HCN2: variants seen among roughly 807,000 people sequenced by gnomAD.
The protein encoded by HCN2 is hyperpolarization activated cyclic nucleotide gated potassium and sodium channel 2.
Under a neutral mutation model 52.3 loss-of-function variants are expected in HCN2, and 20 were observed. The observed-to-expected ratio is 0.38, with a 90% CI of 0.27 to 0.56. The LOEUF (loss-of-function observed/expected upper bound fraction) is 0.56, where lower values mean the gene tolerates loss of function less well. Among genes scored for constraint, HCN2 ranks in the 20% least tolerant of loss-of-function variants. The probability of loss-of-function intolerance (pLI) is 0.71; values close to 1 mark genes in which losing one functional copy is unlikely to be tolerated. For missense variants in HCN2, 981 were observed against 1,207.7 expected, an observed-to-expected ratio of 0.81 and a Z score of 2.78; for synonymous variants, 694 against 537.0, an observed-to-expected ratio of 1.29 and a Z score of -4.04.
chr19:605,008 A>T, intron 2 of HCN2, 53 bp from the exon 3 acceptor site: 1 of 1,315,222 alleles, frequency 7.6e-7, no homozygotes, highest in Non-Finnish European at 9.9e-7. Context: ...GGGGCTCTGA[A>T]GGTGGGGGCC....
chr19:598,145 C>T (rs1983094890), intron 1 of HCN2, among the ~76,000 whole-genome samples: 1 of 152,170 alleles, frequency 6.6e-6, no homozygotes, highest in African/African-American at 2.4e-5. Flanking sequence ...GTGCTGGGGC[C>T]CTGGGGGTCT....
rs759250826 is a variant in HCN2 at position 613,982 on chromosome 19, C to T, written c.1956C>T (p.Phe652=). Residue 652 remains phenylalanine (F), a synonymous_variant, in exon 7 of 8, where the codon TTC becomes TTT. Coordinates refer to ENST00000251287, the MANE Select transcript of HCN2 (RefSeq NM_001194.4). ...LEEYPMMRRA[F]ETVAIDRLDR... ...AGTACCCCATGATGCGGCGCGCCTT[C>T]GAGACGGTGGCCATCGACCGCCTGG... 7 of 1,373,384 alleles carry T rather than the reference C, an allele frequency of 5.1e-6. No homozygotes were observed. The highest frequency in any genetic ancestry group is 4.8e-6 in the Non-Finnish European group (5 of 1,039,414). 85.1% of individuals were successfully genotyped at this position (1,373,384 alleles called of 1,614,324 possible).
At chr19:608,378 G>A (rs1293099048) in intron 4 of HCN2, among the ~76,000 whole-genome samples, 196 bp downstream of exon 4, 1 of 150,940 alleles carries the variant, frequency 6.6e-6, no homozygotes, top group Non-Finnish European at 1.5e-5. Flanking sequence ...CTGAGGGGAG[G>A]GGCGGGCCCG....
At position 616,986 on chromosome 19, in the gene HCN2, C is replaced by G. The variant is rs1983987384; in HGVS notation, c.*512C>G. ...GGAGCAGCACCCCGCCTCCCTCCAG[C>G]ACTGGCACCGAGAGGCAGGCCTGGC... is the stretch of plus-strand genomic sequence containing the variant. On this transcript the variant is annotated 3_prime_UTR_variant, in exon 8 of 8. Coordinates refer to ENST00000251287, the MANE Select transcript of HCN2 (RefSeq NM_001194.4). The G allele has an allele frequency of 1.6e-5, 8 of 489,954 alleles. No individual in the cohort carries two copies. The highest frequency in any genetic ancestry group is 3.0e-5 in the Non-Finnish European group (8 of 267,416). The allele number at this position is 489,954 out of a possible 1,614,324, so 30.4% of individuals were successfully genotyped here.
chr19:603,978 G>T lies in HCN2; in HGVS notation c.1056+11G>T. The T allele has an allele frequency of 6.3e-7, 1 of 1,590,726 alleles. No homozygotes were observed. The highest frequency in any genetic ancestry group is 8.5e-7 in the Non-Finnish European group (1 of 1,171,088). ...CATCAGTGGGAGGAGGTGAGGTGGG[G>T]CGGGGGCGGGGCCAAGGCAGCAGGG... On this transcript the variant is annotated intron_variant, in intron 2 of 7. Coordinates refer to ENST00000251287, the MANE Select transcript of HCN2 (RefSeq NM_001194.4).
At chr19:600,929 A>G (rs1279662243) in intron 1 of HCN2, among the ~76,000 whole-genome samples, 4 of 152,022 alleles carry the variant, frequency 2.6e-5, no homozygotes, top group Admixed American at 6.6e-5. Flanking sequence ...CACCCCGCAC[A>G]TGCCACTTCT....
rs776113031 is a variant in HCN2 at position 615,904 on chromosome 19, G to T, written c.2100G>T (p.Glu700Asp). ...AGGAGATCGTCAAGTACGACCGCGA[G>T]ATGGTGCAGCAGGCCGAGCTGGGTC... The part of the protein sequence containing the change: ...IIQEIVKYDR[E>D]MVQQAELGQR... Residue 700 changes from glutamate (E) to aspartate (D), a missense_variant, in exon 8 of 8, where the codon GAG becomes GAT. Coordinates refer to ENST00000251287, the MANE Select transcript of HCN2 (RefSeq NM_001194.4). The T allele has an allele frequency of 6.2e-7, 1 of 1,612,648 alleles. No individual in the cohort carries two copies. The highest frequency in any genetic ancestry group is 8.5e-7 in the Non-Finnish European group (1 of 1,179,856).
In HCN2 at chr19:612,427, T is replaced by TGTGTGTGTGGGA; in HGVS notation, c.1585-820_1585-819insTGTGTGTGGGAG. On this transcript the variant is annotated intron_variant, in intron 5 of 7. Transcript: ENST00000251287. The stretch of plus-strand genomic sequence containing the variant: ...GTGTGTGTGTGTGTGTGTGTGTGTG[T>TGTGTGTGTGGGA]GAGAGAGAGATGGAGTCTCGCTCTG... Among the ~76,000 whole-genome samples, 826 of 142,358 alleles carry TGTGTGTGTGGGA rather than the reference T, an allele frequency of 5.8e-3. 5 individuals are homozygous for TGTGTGTGTGGGA. The highest frequency in any genetic ancestry group is 8.9e-3 in the Non-Finnish European group (579 of 65,282). 93.4% of individuals were successfully genotyped at this position (142,358 alleles called of 152,430 possible).
At chr19:614,182 G>A (rs1983799522) in intron 7 of HCN2, among the ~76,000 whole-genome samples, 166 bp downstream of exon 7, 1 of 150,140 alleles carries the variant, frequency 6.7e-6, no homozygotes, top group African/African-American at 2.4e-5. Context: ...GTGTGGCCAT[G>A]GCAGCAGGGG....
In HCN2 at chr19:616,023, C is replaced by T. The variant is rs759510436; in HGVS notation, c.2219C>T (p.Pro740Leu). 2.9e-6 allele frequency: 4 copies of T among 1,357,968 alleles called. No individual in the cohort carries two copies. The highest frequency in any genetic ancestry group is 2.8e-6 in the Non-Finnish European group (3 of 1,061,320). The allele number at this position is 1,357,968 out of a possible 1,614,324, so 84.1% of individuals were successfully genotyped here. Residue 740 changes from proline (P) to leucine (L), a missense_variant, in exon 8 of 8, where the codon CCG becomes CTG. Transcript: ENST00000251287. ...CAGGCGGCGGCCATGAGCTTCTGCC[C>T]GCAGGTGGCGCGGCCGCTCGTGGGG... ...LQQAAAMSFC[P>L]QVARPLVGPL...
chr19:590,052 C>A lies in HCN2; in HGVS notation c.107C>A (p.Pro36Gln), dbSNP rs866177625. ...CCCGCGCCCCCCCAACAGCAGCCGC[C>A]GCCGCCGCCGCCGCCCGCGCCCCCC... Reference protein sequence around the residue: ...PPPAPPQQQPPPPPPPAPPPG... With the variant: ...PPPAPPQQQPQPPPPPAPPPG... Residue 36 changes from proline (P) to glutamine (Q), a missense_variant, in exon 1 of 8, where the codon CCG becomes CAG. By Grantham distance (76) the Pro-to-Gln change is moderately conservative (BLOSUM62 -1). This residue lies in a region of HCN2 where 215 missense variants were observed against 179.4 expected (regional missense o/e 1.20). Transcript: ENST00000251287. This position sits in a 1 kb window ranked among gnomAD's most constrained non-coding sequence, Gnocchi z 7.2. The A allele has an allele frequency of 1.6e-6, 1 of 641,976 alleles. No homozygotes were observed. The highest frequency in any genetic ancestry group is 1.9e-6 in the Non-Finnish European group (1 of 526,206). 39.8% of individuals were successfully genotyped at this position (641,976 alleles called of 1,614,324 possible).
chr19:594,625 G>A (rs985633942), intron 1 of HCN2, among the ~76,000 whole-genome samples: 2 of 152,176 alleles, frequency 1.3e-5, no homozygotes, highest in African/African-American at 2.4e-5. Context: ...CAGCCTGGGG[G>A]TGCAGCTCTG....
chr19:613,771 A>G lies in HCN2; in HGVS notation c.1826-81A>G. ...GAAGCGCCCACGCTGGCCAAGGTGC[A>G]GAGGCCGGGCCGTGTGCCTGGGCGG... is the stretch of plus-strand genomic sequence containing the variant. On this transcript the variant is annotated intron_variant, in intron 6 of 7. Transcript: ENST00000251287. 5 of 1,365,228 alleles carry G rather than the reference A, an allele frequency of 3.7e-6. No homozygotes were observed. The South Asian group carries it at 5.0e-5, about 14-fold the overall frequency. The allele number at this position is 1,365,228 out of a possible 1,614,324, so 84.6% of individuals were successfully genotyped here.
At position 603,716 on chromosome 19, in the gene HCN2, A is replaced by G. The variant is rs1983296757; in HGVS notation, c.805A>G (p.Ile269Val). ...LVLNFRTGIVIEDNTEIILDP... is the reference protein window; with the variant it reads ...LVLNFRTGIVVEDNTEIILDP... ...GTTGAACTTCCGCACCGGCATTGTGATCGAGGACAACACGGAGATCATCCT... is the reference window on the plus strand; with the variant it reads ...GTTGAACTTCCGCACCGGCATTGTGGTCGAGGACAACACGGAGATCATCCT... The change falls in exon 2 of 8, where the codon ATC becomes GTC. Residue 269 changes from isoleucine to valine, a missense_variant. Coordinates refer to ENST00000251287, the MANE Select transcript of HCN2 (RefSeq NM_001194.4). 1 of 1,612,658 alleles carries G rather than the reference A, an allele frequency of 6.2e-7. No homozygotes were observed. Among genetic ancestry groups the G allele is most frequent in the South Asian group, 1.1e-5 (1 of 91,072 alleles).
At chr19:610,601 G>A (rs952096052) in intron 5 of HCN2, among the ~76,000 whole-genome samples, 196 bp downstream of exon 5, 12 of 152,106 alleles carry the variant, frequency 7.9e-5, no homozygotes, top group Admixed American at 3.9e-4. Flanking sequence ...CGCCACCCCC[G>A]CCTTGCTTCC....
chr19:607,096 C>T lies in HCN2; in HGVS notation c.1219-868C>T, dbSNP rs144229946. ...CCAAGGCAGGAGAATCGCTTGAACC[C>T]GGGAGCGGAGGCTGCCGTGAGCCAA... On this transcript the variant is annotated intron_variant, in intron 3 of 7. Coordinates refer to ENST00000251287, the MANE Select transcript of HCN2 (RefSeq NM_001194.4). 4.1e-3 allele frequency among the ~76,000 whole-genome samples: 630 copies of T among 152,314 alleles called. 2 individuals carry two copies. The highest frequency in any genetic ancestry group is 0.014 in the African/African-American group (582 of 41,572).
chr19:610,206 G>C, intron 4 of HCN2, 53 bp from the exon 5 acceptor site: 1 of 1,565,942 alleles, frequency 6.4e-7, no homozygotes, highest in Non-Finnish European at 8.7e-7. Context: ...GTGCCCCTGT[G>C]CCCGCTGCAG....
At chr19:614,039 CG>C in intron 7 of HCN2, 23 bp downstream of exon 7, 1 of 1,332,460 alleles carries the variant, frequency 7.5e-7, no homozygotes, top group Non-Finnish European at 1.0e-6. Flanking sequence ...GGGGCGTGGC[CG>C]GGGCGGGTGC....
rs1227864041 is a variant in HCN2, at chr19:616,656, T to TCC, written c.*187_*188dup. On this transcript the variant is annotated 3_prime_UTR_variant, in exon 8 of 8. Transcript: ENST00000251287. Reference sequence around the variant, plus strand: ...GCAGCCCCCTCCGCGCCCCCGGCCGTCCCCCCTCATCGCCCCGCGCCCACC... The same window carrying TCC: ...GCAGCCCCCTCCGCGCCCCCGGCCGTCCCCCCCCTCATCGCCCCGCGCCCACC... The TCC allele has an allele frequency of 8.7e-4, 224 of 258,552 alleles. No homozygotes were observed. Among genetic ancestry groups the TCC allele is most frequent in the Non-Finnish European group, 1.4e-3 (208 of 143,498 alleles). The allele number at this position is 258,552 out of a possible 1,614,324, so 16.0% of individuals were successfully genotyped here.
Sources: allele counts gnomAD v4.1 joint callset (sites outside exome capture counted in the v4.1 genomes callset), GRCh38; gene constraint gnomAD v4.1.1; regional missense constraint gnomAD v4.1.1; non-coding constraint Gnocchi (gnomAD v3.1); transcripts MANE v1.5; gene names NCBI Gene and HGNC (gene_info 2026-07-23, HGNC 2026-07-21).